Variants in NSD1 observed in about 807,000 individuals in gnomAD.
NSD1 encodes the protein histone-lysine N-methyltransferase, H3 lysine-36 specific.
In NSD1, 26 loss-of-function variants were observed where a neutral mutation model predicts 242.7. The observed-to-expected ratio is 0.11, with a 90% CI of 0.08 to 0.15. The LOEUF is 0.15. NSD1 is among the 10% of genes least tolerant of loss of function. The pLI is 1.00. For synonymous variants in NSD1, 1,106 were observed against 1,178.1 expected (o/e 0.94, Z 1.25); for missense variants, 2,495 against 3,272.8 (o/e 0.76, Z 5.80).
intron 17 of NSD1, among the ~76,000 whole-genome samples, chr5:177,279,368 TGTGCCTATA>T (rs1758655312): frequency 1.3e-5 from 2 of 152,144 alleles, no homozygotes; most frequent in South Asian, 2.1e-4. Context: ...CTTGGTGGTG[TGTGCCTATA>T]GTCCCAGCTA....
intron 2 of NSD1, among the ~76,000 whole-genome samples, chr5:177,166,582 A>ATT (rs1388061605): frequency 1.4e-5 from 2 of 147,332 alleles, no homozygotes; most frequent in Non-Finnish European, 3.0e-5. Flanking sequence ...GGGTGGGGGG[A>ATT]TTTTAACTTC....
intron 2 of NSD1, among the ~76,000 whole-genome samples, chr5:177,137,968 G>A (rs1049019617): frequency 2.0e-5 from 3 of 151,756 alleles, no homozygotes; most frequent in African/African-American, 7.3e-5. Context: ...CCAGCTACTC[G>A]AGAGGCTGAG....
chr5:177,245,717 C>A (rs1581427276), intron 9 of NSD1, among the ~76,000 whole-genome samples: 1 of 151,104 alleles, frequency 6.6e-6, no homozygotes, highest in Middle Eastern at 3.4e-3. Context: ...TTCACTGCAG[C>A]CTCCACCTCC....
chr5:177,149,421 C>T (rs138374838), intron 2 of NSD1, among the ~76,000 whole-genome samples: 66 of 149,908 alleles, frequency 4.4e-4, no homozygotes, highest in African/African-American at 1.4e-3. Flanking sequence ...GGTTTCACCA[C>T]GTTGGCCAGG....
intron 8 of NSD1, among the ~76,000 whole-genome samples, chr5:177,243,445 C>G (rs1030462852): frequency 4.6e-5 from 7 of 152,018 alleles, no homozygotes; most frequent in Non-Finnish European, 8.8e-5. Flanking sequence ...TGATCTGCCC[C>G]CCTCGGCCTC....
chr5:177,257,783 A>G (rs1242862038), intron 13 of NSD1, among the ~76,000 whole-genome samples: 1 of 151,826 alleles, frequency 6.6e-6, no homozygotes, highest in African/African-American at 2.4e-5. Flanking sequence ...CCTATTGATT[A>G]GAAAACCAGA....
chr5:177,194,007 C>CCT lies in NSD1; in HGVS notation c.1063+1990_1063+1991dup, dbSNP rs1307938069. 5.3e-5 allele frequency among the ~76,000 whole-genome samples: 8 copies of CCT among 152,164 alleles called. No homozygotes were observed. In the South Asian group the frequency reaches 1.5e-3, roughly 28 times the overall value. ...GGCCAGGCTGGTCTCAAACTCCTGA[C>CCT]CTCAAGTGAACCACAGGTCTTGGCC... On this transcript the variant is annotated intron_variant, in intron 3 of 22. Coordinates refer to ENST00000439151, the MANE Select transcript of NSD1 (RefSeq NM_022455.5).
Position 177,297,815 on chromosome 5 carries a change from A to T in NSD1, c.*2356A>T, listed in dbSNP as rs1018001392. On this transcript the variant is annotated 3_prime_UTR_variant, in exon 23 of 23. Coordinates refer to ENST00000439151, the MANE Select transcript of NSD1 (RefSeq NM_022455.5). ...CAGGAGGGAGTGAGGGAAAGGGGCC[A>T]TGATTGGCTGCTTTGTGGTTTTATT... 1 of 232,948 alleles carries T rather than the reference A, an allele frequency of 4.3e-6. No individual in the cohort carries two copies. The highest frequency in any genetic ancestry group is 2.2e-5 in the African/African-American group (1 of 45,292). 14.4% of individuals were successfully genotyped at this position (232,948 alleles called of 1,614,324 possible).
In NSD1 at chr5:177,210,957, A is replaced by C. The variant is rs1228422526; in HGVS notation, c.2558A>C (p.Glu853Ala). 6.2e-7 allele frequency: 1 copy of C among 1,614,180 alleles called. No individual in the cohort carries two copies. The highest frequency in any genetic ancestry group is 8.5e-7 in the Non-Finnish European group (1 of 1,180,026). ...AAAACCAGGGATTCAAGTGACATAG[A>C]AACAGCAGTGGTGAAACATGTTTTA... ...HEKTRDSSDI[E>A]TAVVKHVLSE... The change falls in exon 5 of 23, where the codon GAA becomes GCA. Residue 853 changes from glutamate (E) to alanine (A), a missense_variant. Glu to Ala is a moderately radical substitution (Grantham distance 107). Coordinates refer to ENST00000439151, the MANE Select transcript of NSD1 (RefSeq NM_022455.5).
At chr5:177,266,159 G>T in intron 14 of NSD1, 1 of 1,080,390 alleles carries the variant, frequency 9.3e-7, no homozygotes. Context: ...CGGGCATAGA[G>T]CACAGTGTTG....
intron 18 of NSD1, 76 bp from the exon 19 acceptor site, chr5:177,282,389 T>G (rs1758962109): frequency 1.1e-6 from 1 of 926,148 alleles, no homozygotes; most frequent in Non-Finnish European, 1.8e-6. Flanking sequence ...TTTTCATTAA[T>G]TTTTTAAAAA....
rs985433174 is a variant in NSD1, at chr5:177,298,820, G to A, written c.*3361G>A. The A allele has an allele frequency of 4.3e-6, 1 of 233,048 alleles. No homozygotes were observed. Among genetic ancestry groups the A allele is most frequent in the Non-Finnish European group, 8.5e-6 (1 of 117,976 alleles). 14.4% of individuals were successfully genotyped at this position (233,048 alleles called of 1,614,324 possible). On this transcript the variant is annotated 3_prime_UTR_variant, in exon 23 of 23. Coordinates refer to ENST00000439151, the MANE Select transcript of NSD1 (RefSeq NM_022455.5). ...AGATTCCCCCATAGGGAGTAATGAG[G>A]ACAGCATGAAACTTGGATAGGTTTT...
intron 2 of NSD1, among the ~76,000 whole-genome samples, chr5:177,146,772 G>A (rs542044542): frequency 6.6e-6 from 1 of 152,034 alleles, no homozygotes; most frequent in East Asian, 2.0e-4. Context: ...GGGAGGCTGA[G>A]GCGGCTGGAT....
chr5:177,238,521 G>T lies in NSD1; in HGVS notation c.4192+14G>T. 1 of 1,610,826 alleles carries T rather than the reference G, an allele frequency of 6.2e-7. No individual in the cohort carries two copies. The highest frequency in any genetic ancestry group is 8.5e-7 in the Non-Finnish European group (1 of 1,179,858). Reference sequence around the variant, plus strand: ...TTAAAACGCCAGGTAAGGTGGGGTTGGGGTCTCAGTATTTGAGCAGATATG... The same window carrying T: ...TTAAAACGCCAGGTAAGGTGGGGTTTGGGTCTCAGTATTTGAGCAGATATG... On this transcript the variant is annotated intron_variant, in intron 7 of 22. Transcript: ENST00000439151. The surrounding 1 kb of genome is among the most constrained non-coding windows in gnomAD (Gnocchi z 4.6).
chr5:177,179,830 G>C (rs79005939), intron 2 of NSD1, among the ~76,000 whole-genome samples: 4 of 152,096 alleles, frequency 2.6e-5, no homozygotes, highest in Non-Finnish European at 5.9e-5. Flanking sequence ...ATGGGGAAGG[G>C]GGCCAATCAG....
chr5:177,291,153 C>A (rs1419732059), intron 21 of NSD1, among the ~76,000 whole-genome samples: 1 of 152,224 alleles, frequency 6.6e-6, no homozygotes, highest in Non-Finnish European at 1.5e-5. Flanking sequence ...CTGCTGGCTG[C>A]TCCAGGGTCT....
At position 177,265,152 on chromosome 5, in the gene NSD1, C is replaced by G. The variant is rs184716522; in HGVS notation, c.5147-2410C>G. The G allele has an allele frequency of 3.7e-4, 285 of 761,088 alleles. 1 individual carries two copies. The East Asian group carries it at 6.5e-3, about 17-fold the overall frequency. 47.1% of individuals were successfully genotyped at this position (761,088 alleles called of 1,614,324 possible). ...AACCTGGGTTCAACTGAAGCACTAG[C>G]TTGCTCCACTCAGAGAAGCATACTT... is the stretch of plus-strand genomic sequence containing the variant. On this transcript the variant is annotated intron_variant, in intron 14 of 22. Coordinates refer to ENST00000439151, the MANE Select transcript of NSD1 (RefSeq NM_022455.5).
At position 177,273,370 on chromosome 5, in the gene NSD1, A is replaced by G. The variant is rs117328075; in HGVS notation, c.5510-302A>G. Among the ~76,000 whole-genome samples the G allele has an allele frequency of 1.2e-3, 184 of 151,740 alleles. 5 individuals are homozygous for G. The East Asian group carries it at 0.029, about 24-fold the overall frequency. On this transcript the variant is annotated intron_variant, in intron 16 of 22. Coordinates refer to ENST00000439151, the MANE Select transcript of NSD1 (RefSeq NM_022455.5). The stretch of plus-strand genomic sequence containing the variant: ...ATTTTTATGATATCCGCCACCACAG[A>G]TAAGCAAAAAAGTTCTCGTATTCAG...
Position 177,135,808 on chromosome 5 carries a change from A to G in NSD1, c.705A>G (p.Thr235=). The change falls in exon 2 of 23, where the codon ACA becomes ACG. Residue 235 remains threonine (T), a synonymous_variant. Coordinates refer to ENST00000439151, the MANE Select transcript of NSD1 (RefSeq NM_022455.5). The part of the protein sequence containing the change: ...PFLPLAPQTE[T]QKNKQRNEVD... Reference sequence around the variant, plus strand: ...TGCCATTAGCTCCTCAGACTGAAACACAGAAAAATAAGCAAAGAAATGAAG... The same window carrying G: ...TGCCATTAGCTCCTCAGACTGAAACGCAGAAAAATAAGCAAAGAAATGAAG... 6.2e-7 allele frequency: 1 copy of G among 1,608,758 alleles called. No individual in the cohort carries two copies. The highest frequency in any genetic ancestry group is 8.5e-7 in the Non-Finnish European group (1 of 1,176,224).
Sources: gnomAD v4.1 joint callset for allele counts (sites outside exome capture counted in the v4.1 genomes callset) on GRCh38, gnomAD v4.1.1 for gene constraint, Gnocchi (gnomAD v3.1) non-coding constraint, MANE v1.5 for transcripts, NCBI Gene and HGNC (gene_info 2026-07-23, HGNC 2026-07-21) for gene names.